KHDRBS2: variants seen among roughly 807,000 people sequenced by gnomAD.
The protein encoded by KHDRBS2 is KH domain-containing, RNA-binding, signal transduction-associated protein 2.
A neutral mutation model predicts 44.3 loss-of-function variants in KHDRBS2; 26 were observed. The observed-to-expected ratio is 0.59, with a 90% CI of 0.43 to 0.81. The LOEUF is 0.81. Among genes scored for constraint, KHDRBS2 ranks in the 40% least tolerant of loss-of-function variants. KHDRBS2 has a pLI of 0.00. For missense variants in KHDRBS2, 476 were observed against 433.1 expected (o/e 1.10, Z -0.88); for synonymous variants, 194 against 151.1 (o/e 1.28, Z -2.08).
At chr6:61,641,153 T>C in the KHDRBS2 span, among the ~76,000 whole-genome samples, 81 of 152,280 alleles carry the variant, frequency 5.3e-4, no homozygotes, top group East Asian at 7.0e-3. Flanking sequence ...CATTTTCCTA[T>C]GGATTACTTC....
chr6:62,079,426 C>T (rs185920226), intron 2 of KHDRBS2, among the ~76,000 whole-genome samples: 2 of 151,968 alleles, frequency 1.3e-5, no homozygotes, highest in Admixed American at 1.3e-4. Flanking sequence ...CAGCATTTAA[C>T]AATAATTAAA....
At chr6:61,982,487 C>G (rs1171752141) in intron 3 of KHDRBS2, among the ~76,000 whole-genome samples, 2 of 151,746 alleles carry the variant, frequency 1.3e-5, no homozygotes, top group Admixed American at 1.3e-4. Flanking sequence ...CTGGCTAACA[C>G]AGTGAAACCC....
the KHDRBS2 span, among the ~76,000 whole-genome samples, chr6:61,544,958 A>T: frequency 1.3e-5 from 2 of 152,126 alleles, no homozygotes; most frequent in South Asian, 4.1e-4. Context: ...GAGGGATAGC[A>T]TTAGGAGATA....
intron 2 of KHDRBS2, among the ~76,000 whole-genome samples, chr6:62,122,083 G>C (rs1486932133): frequency 6.6e-6 from 1 of 152,064 alleles, no homozygotes; most frequent in Non-Finnish European, 1.5e-5. Flanking sequence ...TTTTGAGTGG[G>C]GTCCAGAACA....
chr6:61,792,835 A>C (rs1784817227), intron 6 of KHDRBS2, among the ~76,000 whole-genome samples: 1 of 151,942 alleles, frequency 6.6e-6, no homozygotes, highest in East Asian at 1.9e-4. Flanking sequence ...GCCTTTCCCA[A>C]ATTAATTTGT....
intron 6 of KHDRBS2, among the ~76,000 whole-genome samples, chr6:61,761,235 G>T (rs1465775526): frequency 6.6e-6 from 1 of 152,212 alleles, no homozygotes; most frequent in African/African-American, 2.4e-5. Flanking sequence ...GGTGTTGTCA[G>T]TCATACAGTC....
chr6:62,129,538 A>C (rs1450718747), intron 2 of KHDRBS2, among the ~76,000 whole-genome samples: 1 of 152,178 alleles, frequency 6.6e-6, no homozygotes, highest in African/African-American at 2.4e-5. Context: ...TAAATATCTT[A>C]ACAACTTCCA....
the KHDRBS2 span, among the ~76,000 whole-genome samples, chr6:61,571,826 T>G: frequency 6.6e-6 from 1 of 151,956 alleles, no homozygotes; most frequent in African/African-American, 2.4e-5. Context: ...AAAGCAGTAC[T>G]AAGAAGAAAG....
chr6:62,254,755 T>A (rs1417060497), intron 1 of KHDRBS2, among the ~76,000 whole-genome samples: 1 of 152,022 alleles, frequency 6.6e-6, no homozygotes, highest in Non-Finnish European at 1.5e-5. Flanking sequence ...CTGGATTTCA[T>A]TCTAACTGCA....
chr6:61,775,684 G>A (rs1034034739), intron 6 of KHDRBS2, among the ~76,000 whole-genome samples: 11 of 152,280 alleles, frequency 7.2e-5, no homozygotes, highest in African/African-American at 2.4e-4. Context: ...TCATGGGTAG[G>A]AAGAATCAAT....
chr6:61,947,822 T>C (rs1357299140), intron 4 of KHDRBS2, among the ~76,000 whole-genome samples: 3 of 151,602 alleles, frequency 2.0e-5, no homozygotes, highest in Admixed American at 6.6e-5. Flanking sequence ...TCAAAATCTT[T>C]GAAAACCACT....
At chr6:62,020,908 T>G (rs1166051799) in intron 3 of KHDRBS2, among the ~76,000 whole-genome samples, 1 of 152,058 alleles carries the variant, frequency 6.6e-6, no homozygotes, top group Non-Finnish European at 1.5e-5. Context: ...CAAACCGTTG[T>G]ATCATAAAGA....
chr6:62,056,302 T>A (rs541388681), intron 2 of KHDRBS2, among the ~76,000 whole-genome samples: 1 of 151,530 alleles, frequency 6.6e-6, no homozygotes, highest in East Asian at 2.0e-4. Flanking sequence ...TGATTGAAAA[T>A]TCATCTACAC....
chr6:61,631,344 A>C, the KHDRBS2 span, among the ~76,000 whole-genome samples: 1 of 139,674 alleles, frequency 7.2e-6, no homozygotes. Context: ...AAAAGACAAT[A>C]CAGTGTGTTA....
chr6:62,149,007 C>T (rs574442493), intron 2 of KHDRBS2, among the ~76,000 whole-genome samples: 1 of 152,166 alleles, frequency 6.6e-6, no homozygotes, highest in Non-Finnish European at 1.5e-5. Context: ...CCTCTTTCCC[C>T]AATAACTGCC....
intron 4 of KHDRBS2, among the ~76,000 whole-genome samples, chr6:61,961,433 A>G (rs1768687577): frequency 6.8e-6 from 1 of 146,956 alleles, no homozygotes; most frequent in Non-Finnish European, 1.5e-5. Flanking sequence ...AGAGAGAGAG[A>G]AAGAAAGAAA....
chr6:62,206,061 G>A lies in KHDRBS2; in HGVS notation c.92-28749C>T, dbSNP rs531418247. ...ATGCTTAACAGTGAATAATAATATG[G>A]TTTACATATTAGAAATAAACATCCA... is the stretch of plus-strand genomic sequence containing the variant. On this transcript the variant is annotated intron_variant, in intron 1 of 8. Transcript: ENST00000281156. 2.0e-5 allele frequency among the ~76,000 whole-genome samples: 3 copies of A among 152,212 alleles called. No homozygotes were observed. In the East Asian group the frequency reaches 5.8e-4, roughly 29 times the overall value.
chr6:62,237,962 C>T (rs1833966127), intron 1 of KHDRBS2, among the ~76,000 whole-genome samples: 1 of 150,988 alleles, frequency 6.6e-6, no homozygotes, highest in South Asian at 2.1e-4. Context: ...TCACTTGAAC[C>T]TGGGAGGCGG....
At chr6:62,097,578 T>C (rs1800900426) in intron 2 of KHDRBS2, among the ~76,000 whole-genome samples, 1 of 152,084 alleles carries the variant, frequency 6.6e-6, no homozygotes, top group African/African-American at 2.4e-5. Flanking sequence ...TTTCCATGTG[T>C]ATCTTCTTCT....
Sources: allele counts gnomAD v4.1 joint callset (sites outside exome capture counted in the v4.1 genomes callset), GRCh38; gene constraint gnomAD v4.1.1; transcripts MANE v1.5; gene names NCBI Gene and HGNC (gene_info 2026-07-23, HGNC 2026-07-21).